The following SNTG1 variants were observed in gnomAD, a reference collection of about 807,000 sequenced individuals.
The protein encoded by SNTG1 is gamma-1-syntrophin.
Under a neutral mutation model 74.7 loss-of-function variants are expected in SNTG1, and 39 were observed. That is an observed-to-expected ratio of 0.52 (90% CI 0.40 to 0.68). The LOEUF (loss-of-function observed/expected upper bound fraction) is 0.68, where lower values mean the gene tolerates loss of function less well. Among genes scored for constraint, SNTG1 ranks in the 30% least tolerant of loss-of-function variants. SNTG1 has a pLI of 0.00. For synonymous variants in SNTG1, 254 were observed against 217.1 expected (o/e 1.17, Z -1.49); for missense variants, 685 against 609.5 (o/e 1.12, Z -1.30).
chr8:50,343,026 T>C (rs1035273792), intron 2 of SNTG1, among the ~76,000 whole-genome samples: 1 of 152,160 alleles, frequency 6.6e-6, no homozygotes, highest in Admixed American at 6.5e-5. Context: ...GGAAACAAAA[T>C]TGGGATCAAA....
At chr8:50,116,007 A>G (rs2080808321) in intron 1 of SNTG1, among the ~76,000 whole-genome samples, 1 of 152,152 alleles carries the variant, frequency 6.6e-6, no homozygotes, top group African/African-American at 2.4e-5. Context: ...TCATACACAC[A>G]GTCACAGCAC....
chr8:50,116,082 C>G (rs995876607), intron 1 of SNTG1, among the ~76,000 whole-genome samples: 1 of 152,148 alleles, frequency 6.6e-6, no homozygotes, highest in African/African-American at 2.4e-5. Context: ...ATATGTCTTT[C>G]TTTTTATTTA....
intron 8 of SNTG1, chr8:50,458,152 T>C (rs2093524880): frequency 6.6e-6 from 1 of 151,040 alleles, no homozygotes; most frequent in Admixed American, 6.6e-5. Flanking sequence ...CAAAGGATCA[T>C]TAAGATTTGA....
chr8:49,969,761 A>C (rs1039366813), intron 1 of SNTG1, among the ~76,000 whole-genome samples: 10 of 152,100 alleles, frequency 6.6e-5, no homozygotes, highest in African/African-American at 9.7e-5. Context: ...CAGGTTAAAG[A>C]AGAGAGATAC....
chr8:50,304,490 T>C (rs1194585315), intron 2 of SNTG1, among the ~76,000 whole-genome samples: 1 of 152,226 alleles, frequency 6.6e-6, no homozygotes, highest in African/African-American at 2.4e-5. Context: ...GATTTTTTTC[T>C]GTAGTTAAAT....
intron 12 of SNTG1, among the ~76,000 whole-genome samples, chr8:50,575,475 C>T (rs2094571664): frequency 6.6e-6 from 1 of 152,082 alleles, no homozygotes; most frequent in Admixed American, 6.6e-5. Flanking sequence ...CATAGCATGC[C>T]CAAACACACC....
chr8:50,361,573 T>G (rs1168103810), intron 2 of SNTG1, among the ~76,000 whole-genome samples: 1 of 152,136 alleles, frequency 6.6e-6, no homozygotes, highest in East Asian at 1.9e-4. Flanking sequence ...GTCGCTGGGA[T>G]TACAGGTGCA....
At chr8:50,505,294 C>T (rs2093996899) in intron 9 of SNTG1, among the ~76,000 whole-genome samples, 1 of 152,152 alleles carries the variant, frequency 6.6e-6, no homozygotes, top group Non-Finnish European at 1.5e-5. Context: ...CTACAATGAA[C>T]ATGAGTGTAC....
At chr8:50,239,332 GT>G (rs2086063941) in intron 2 of SNTG1, among the ~76,000 whole-genome samples, 1 of 152,156 alleles carries the variant, frequency 6.6e-6, no homozygotes, top group Non-Finnish European at 1.5e-5. Flanking sequence ...AAACAAAGGA[GT>G]TTTAATTGTC....
chr8:49,932,172 C>T (rs903912960), intron 1 of SNTG1, among the ~76,000 whole-genome samples: 1 of 152,144 alleles, frequency 6.6e-6, no homozygotes, highest in Non-Finnish European at 1.5e-5. Context: ...AGTTTTACTT[C>T]AACCACTGGT....
At chr8:49,916,897 T>C (rs1252539424) in intron 1 of SNTG1, among the ~76,000 whole-genome samples, 2 of 151,810 alleles carry the variant, frequency 1.3e-5, no homozygotes, top group Non-Finnish European at 2.9e-5. Context: ...GTGGTGAATG[T>C]GCCTGTAGTC....
intron 18 of SNTG1, among the ~76,000 whole-genome samples, chr8:50,754,620 A>G (rs950448348): frequency 2.0e-5 from 3 of 151,898 alleles, no homozygotes; most frequent in Non-Finnish European, 4.4e-5. Context: ...AAAGAACTAC[A>G]TTAATTTTTA....
chr8:50,421,925 G>C (rs1005122999), intron 4 of SNTG1, among the ~76,000 whole-genome samples: 1 of 152,132 alleles, frequency 6.6e-6, no homozygotes, highest in African/African-American at 2.4e-5. Flanking sequence ...AGGTTTTAAT[G>C]GCAAGAGAGG....
intron 8 of SNTG1, among the ~76,000 whole-genome samples, chr8:50,491,885 C>CT (rs149523381): frequency 1.5e-5 from 1 of 64,972 alleles, no homozygotes; most frequent in South Asian, 5.2e-4. Context: ...CTAGCTCCCC[C>CT]GCCCCCCTAC....
At chr8:50,114,598 G>A (rs1307505587) in intron 1 of SNTG1, among the ~76,000 whole-genome samples, 1 of 152,152 alleles carries the variant, frequency 6.6e-6, no homozygotes, top group Non-Finnish European at 1.5e-5. Context: ...CGGGCGCAGT[G>A]GCTCACACCT....
At chr8:50,280,512 G>C (rs1052770312) in intron 2 of SNTG1, among the ~76,000 whole-genome samples, 1 of 152,150 alleles carries the variant, frequency 6.6e-6, no homozygotes, top group South Asian at 2.1e-4. Context: ...ATAGTCTCAA[G>C]AAGTTATAAA....
rs71235311 is a variant in SNTG1, at chr8:50,601,152, C to CAAAAAAAAAAAAAAAAAA, written c.849+10250_849+10267dup. ...CAGCCTGGTGACAGAGCCAGCGAGA[C>CAAAAAAAAAAAAAAAAAA]AAAAAAAAAAAAAAAAAAAAAAAAA... is the stretch of plus-strand genomic sequence containing the variant. On this transcript the variant is annotated intron_variant, in intron 13 of 18. Coordinates refer to ENST00000642720, the MANE Select transcript of SNTG1 (RefSeq NM_018967.5). Among the ~76,000 whole-genome samples, 22 of 31,442 alleles carry CAAAAAAAAAAAAAAAAAA rather than the reference C, an allele frequency of 7.0e-4. 3 individuals are homozygous for CAAAAAAAAAAAAAAAAAA. The highest frequency in any genetic ancestry group is 3.1e-3 in the African/African-American group (16 of 5,084). The allele number at this position is 31,442 out of a possible 152,430, so 20.6% of individuals were successfully genotyped here.
chr8:50,523,528 G>A (rs2094196861), intron 9 of SNTG1, among the ~76,000 whole-genome samples: 1 of 152,154 alleles, frequency 6.6e-6, no homozygotes. Flanking sequence ...GTGTCTTAGG[G>A]AATATGGAAG....
intron 5 of SNTG1, among the ~76,000 whole-genome samples, chr8:50,442,205 T>C (rs2093363938): frequency 6.6e-6 from 1 of 152,232 alleles, no homozygotes; most frequent in South Asian, 2.1e-4. Flanking sequence ...CCCTTCCTGG[T>C]TGTGCTACTT....
Sources: allele counts gnomAD v4.1 joint callset (sites outside exome capture counted in the v4.1 genomes callset), GRCh38; gene constraint gnomAD v4.1.1; transcripts MANE v1.5; gene names NCBI Gene and HGNC (gene_info 2026-07-23, HGNC 2026-07-21).